KBTBD2: variants seen among roughly 807,000 people sequenced by gnomAD.
KBTBD2 encodes kelch repeat and BTB domain-containing protein 2.
A neutral mutation model predicts 57.1 loss-of-function variants in KBTBD2; 17 were observed. That is an observed-to-expected ratio of 0.30 (90% CI 0.20 to 0.45). The LOEUF is 0.45. Among genes scored for constraint, KBTBD2 ranks in the 20% least tolerant of loss-of-function variants. The pLI is 1.00. For missense variants in KBTBD2, 515 were observed against 750.6 expected (o/e 0.69, Z 3.67); for synonymous variants, 267 against 262.7 (o/e 1.02, Z -0.16).
At chr7:32,890,693 A>G (rs1672846921) in intron 1 of KBTBD2, among the ~76,000 whole-genome samples, 1 of 152,238 alleles carries the variant, frequency 6.6e-6, no homozygotes, top group South Asian at 2.1e-4. Context: ...CACAGAAGAT[A>G]GTTCACACAC....
At chr7:32,875,557 C>G (rs1784291164) in intron 2 of KBTBD2, among the ~76,000 whole-genome samples, 1 of 152,170 alleles carries the variant, frequency 6.6e-6, no homozygotes, top group Non-Finnish European at 1.5e-5. Context: ...CAGGCATGAG[C>G]CACTGTGCCT....
Position 32,875,153 on chromosome 7 carries a change from T to A in KBTBD2, c.175A>T (p.Met59Leu). ...LATCSSYFRAMFMSGLSESKQ... is the reference protein window; with the variant it reads ...LATCSSYFRALFMSGLSESKQ... ...CTTTCACTTAGTCCACTCATAAACATGGCCCTACAGGGGAGATGAAGAAAA... is the reference window on the plus strand; with the variant it reads ...CTTTCACTTAGTCCACTCATAAACAAGGCCCTACAGGGGAGATGAAGAAAA... The change falls in exon 3 of 4, where the codon ATG becomes TTG. Residue 59 changes from methionine to leucine, a missense_variant. Physicochemically the swap from Met to Leu is conservative, Grantham distance 15 (BLOSUM62 2). Coordinates refer to ENST00000304056, the MANE Select transcript of KBTBD2 (RefSeq NM_015483.3). 1 of 1,613,986 alleles carries A rather than the reference T, an allele frequency of 6.2e-7. No homozygotes were observed. Among genetic ancestry groups the A allele is most frequent in the Non-Finnish European group, 8.5e-7 (1 of 1,179,906 alleles).
At chr7:32,889,391 AGGAGC>A (rs1322139288) in intron 1 of KBTBD2, among the ~76,000 whole-genome samples, 3 of 152,154 alleles carry the variant, frequency 2.0e-5, no homozygotes, top group African/African-American at 7.2e-5. Context: ...TCACGAGGTC[AGGAGC>A]TCGAGACCAG....
chr7:32,881,133 A>C (rs1391086176), intron 1 of KBTBD2, among the ~76,000 whole-genome samples: 1 of 151,992 alleles, frequency 6.6e-6, no homozygotes, highest in Non-Finnish European at 1.5e-5. Context: ...GATATGATAA[A>C]GATAAATATG....
chr7:32,870,020 T>C lies in KBTBD2; in HGVS notation c.1197A>G (p.Val399=). ...SVGGELNRRT[V]ERYDTEKDEW... is the part of the protein sequence containing the mutation. ...CATCTTTCTCAGTGTCGTATCTTTC[T>C]ACGGTCCTCCGATTAAGTTCTCCAC... Residue 399 remains valine, a synonymous_variant, in exon 4 of 4, where the codon GTA becomes GTG. Coordinates refer to ENST00000304056, the MANE Select transcript of KBTBD2 (RefSeq NM_015483.3). 1 of 1,614,210 alleles carries C rather than the reference T, an allele frequency of 6.2e-7. No homozygotes were observed. Among genetic ancestry groups the C allele is most frequent in the Non-Finnish European group, 8.5e-7 (1 of 1,180,022 alleles).
intron 2 of KBTBD2, 23 bp downstream of exon 2, chr7:32,879,412 T>C: frequency 6.6e-7 from 1 of 1,514,884 alleles, no homozygotes; most frequent in South Asian, 1.2e-5. Context: ...AGAATTTCTA[T>C]TTAAAACATT....
intron 1 of KBTBD2, among the ~76,000 whole-genome samples, chr7:32,884,191 T>C (rs1001776386): frequency 6.6e-6 from 1 of 152,140 alleles, no homozygotes; most frequent in Non-Finnish European, 1.5e-5. Context: ...ATTTTCTTAA[T>C]ATATGCAATG....
intron 2 of KBTBD2, 138 bp from the exon 3 acceptor site, chr7:32,875,295 AG>A: frequency 1.4e-6 from 1 of 734,308 alleles, no homozygotes; most frequent in African/African-American, 1.8e-5. Flanking sequence ...TTTTTGAGAC[AG>A]GGTCTTGCTC....
rs398066755 is a variant in KBTBD2 at position 32,880,550 on chromosome 7, T to TAA, written c.-338-610_-338-609dup. Reference sequence around the variant, plus strand: ...TTTACAAATAAAAGTATATTTTACTTAAAAAAAAAAAACATAAAATGTAAT... The same window carrying TAA: ...TTTACAAATAAAAGTATATTTTACTTAAAAAAAAAAAAAACATAAAATGTAAT... On this transcript the variant is annotated intron_variant, in intron 1 of 3. Transcript: ENST00000304056. Among the ~76,000 whole-genome samples the TAA allele has an allele frequency of 8.6e-3, 1,268 of 146,720 alleles. 19 individuals carry two copies. The highest frequency in any genetic ancestry group is 0.028 in the African/African-American group (1,123 of 39,838).
intron 1 of KBTBD2, among the ~76,000 whole-genome samples, chr7:32,888,237 A>G (rs1784631250): frequency 6.6e-6 from 1 of 152,070 alleles, no homozygotes; most frequent in South Asian, 2.1e-4. Context: ...TTTCTCACAT[A>G]TTTTGATGGT....
rs911854989 is a variant in KBTBD2, at chr7:32,868,551, C to T, written c.*794G>A. 3.3e-5 allele frequency: 5 copies of T among 152,596 alleles called. No individual in the cohort carries two copies. The highest frequency in any genetic ancestry group is 5.9e-5 in the Non-Finnish European group (4 of 68,030). 9.5% of individuals were successfully genotyped at this position (152,596 alleles called of 1,614,324 possible). A position where few individuals can be genotyped will look rare whatever the true frequency, so the allele number is the denominator to read the frequency against. ...TCTAAATCTTGAAGATGGAGAACTA[C>T]ATCAGCAGCAGATAGTTATATGCAT... is the stretch of plus-strand genomic sequence containing the variant. On this transcript the variant is annotated 3_prime_UTR_variant, in exon 4 of 4. Transcript: ENST00000304056.
In KBTBD2 at chr7:32,869,999, T is replaced by C. The variant is rs1344219477; in HGVS notation, c.1218A>G (p.Lys406=). 3 of 1,614,078 alleles carry C rather than the reference T, an allele frequency of 1.9e-6. No individual in the cohort carries two copies. The highest frequency in any genetic ancestry group is 1.7e-5 in the Admixed American group (1 of 60,006). The change falls in exon 4 of 4, where the codon AAA becomes AAG. Residue 406 remains lysine, a synonymous_variant. Coordinates refer to ENST00000304056, the MANE Select transcript of KBTBD2 (RefSeq NM_015483.3). ...AAGGGCTTACCATCGTCCACTCATC[T>C]TTCTCAGTGTCGTATCTTTCTACGG... is the stretch of plus-strand genomic sequence containing the variant. ...RRTVERYDTE[K]DEWTMVSPLP...
rs907652338 is a variant in KBTBD2, at chr7:32,878,312, G to A, written c.170+1123C>T. Among the ~76,000 whole-genome samples the A allele has an allele frequency of 5.9e-5, 9 of 152,180 alleles. No homozygotes were observed. In the East Asian group the frequency reaches 9.7e-4, roughly 16 times the overall value. ...AACAGCAGAACAGGCGGTGCGCAGTGGCTCACGCCTGTAATCCCAGCACTT... is the reference window on the plus strand; with the variant it reads ...AACAGCAGAACAGGCGGTGCGCAGTAGCTCACGCCTGTAATCCCAGCACTT... On this transcript the variant is annotated intron_variant, in intron 2 of 3. Coordinates refer to ENST00000304056, the MANE Select transcript of KBTBD2 (RefSeq NM_015483.3).
At chr7:32,889,769 C>T (rs186815883) in intron 1 of KBTBD2, among the ~76,000 whole-genome samples, 1 of 152,216 alleles carries the variant, frequency 6.6e-6, no homozygotes, top group East Asian at 1.9e-4. Flanking sequence ...CCTTACTTGT[C>T]TTAGGAATGT....
At chr7:32,874,915 G>A (rs966707921) in intron 3 of KBTBD2, 77 bp downstream of exon 3, 45 of 1,244,506 alleles carry the variant, frequency 3.6e-5, no homozygotes, top group Non-Finnish European at 4.9e-5. Flanking sequence ...AGGTTGCAGT[G>A]AGCGGAGATC....
In KBTBD2 at chr7:32,869,301, T is replaced by C. The variant is rs756492837; in HGVS notation, c.*44A>G. On this transcript the variant is annotated 3_prime_UTR_variant, in exon 4 of 4. Transcript: ENST00000304056. The stretch of plus-strand genomic sequence containing the variant: ...AGCCTCTTTTGTTTAGCAAAGAAAA[T>C]GACAAAGCACATAACTCAGGCGTGC... The C allele has an allele frequency of 1.1e-5, 15 of 1,373,074 alleles. No individual in the cohort carries two copies. The highest frequency in any genetic ancestry group is 1.4e-5 in the Non-Finnish European group (14 of 1,002,192). 85.1% of individuals were successfully genotyped at this position (1,373,074 alleles called of 1,614,324 possible).
Position 32,870,522 on chromosome 7 carries a change from G to A in KBTBD2, c.695C>T (p.Ala232Val). The A allele has an allele frequency of 6.2e-7, 1 of 1,614,096 alleles. No individual in the cohort carries two copies. The highest frequency in any genetic ancestry group is 1.1e-5 in the South Asian group (1 of 91,070). Residue 232 changes from alanine (A) to valine (V), a missense_variant, in exon 4 of 4, where the codon GCT (alanine) becomes GTT (valine). By Grantham distance (64) the Ala-to-Val change is moderately conservative. Coordinates refer to ENST00000304056, the MANE Select transcript of KBTBD2 (RefSeq NM_015483.3). ...ATTGGGTGGCAGACCTTGAAACCAA[G>A]CTCTCTGTGTTACTTCTGAAAGTGC... ...IDALSEVTQRAWFQGLPPNDK... is the reference protein window; with the variant it reads ...IDALSEVTQRVWFQGLPPNDK...
chr7:32,885,303 C>T (rs898814044), intron 1 of KBTBD2, among the ~76,000 whole-genome samples: 9 of 151,854 alleles, frequency 5.9e-5, no homozygotes, highest in South Asian at 4.2e-4. Context: ...TTCCTGAACG[C>T]GGAATTAAAT....
intron 2 of KBTBD2, among the ~76,000 whole-genome samples, chr7:32,876,471 G>C (rs1784314562): frequency 6.6e-6 from 1 of 152,200 alleles, no homozygotes. Flanking sequence ...CTTGTAGATA[G>C]TGGGGAAAAC....
Sources: allele counts gnomAD v4.1 joint callset (sites outside exome capture counted in the v4.1 genomes callset), GRCh38; gene constraint gnomAD v4.1.1; transcripts MANE v1.5; gene names NCBI Gene and HGNC (gene_info 2026-07-23, HGNC 2026-07-21).